SLC28A2: variants seen among roughly 807,000 people sequenced by gnomAD.
SLC28A2 encodes sodium/nucleoside cotransporter 2.
Under a neutral mutation model 72.9 loss-of-function variants are expected in SLC28A2, and 69 were observed. The ratio of observed to expected loss-of-function variants is 0.95; its 90% confidence interval spans 0.78 to 1.16. The LOEUF is 1.16. Among genes scored for constraint, SLC28A2 ranks in the 50% most tolerant of loss-of-function variants. The pLI is 0.00. For synonymous variants in SLC28A2, 296 were observed against 294.1 expected, an observed-to-expected ratio of 1.01 and a Z score of -0.07; for missense variants, 745 against 791.1, an observed-to-expected ratio of 0.94 and a Z score of 0.70.
chr15:45,275,508 G>A lies in SLC28A2; in HGVS notation c.1972G>A (p.Ala658Thr), dbSNP rs1424767038. The A allele has an allele frequency of 6.4e-7, 1 of 1,571,268 alleles. No individual in the cohort carries two copies. Among genetic ancestry groups the A allele is most frequent in the South Asian group, 1.1e-5 (1 of 89,906 alleles). ...CCGFYNNTVC[A>T] Reference sequence around the variant, plus strand: ...TGGATTCTACAACAATACCGTCTGTGCCTAAGGCTGCTTGATCTATTTCTA... The same window carrying A: ...TGGATTCTACAACAATACCGTCTGTACCTAAGGCTGCTTGATCTATTTCTA... Residue 658 changes from alanine to threonine, a missense_variant, in exon 18 of 18, where the codon GCC becomes ACC. Coordinates refer to ENST00000347644, the MANE Select transcript of SLC28A2 (RefSeq NM_004212.4).
rs1033672006 is a variant in SLC28A2 at position 45,252,261 on chromosome 15, T to C, written c.-34T>C. The C allele has an allele frequency of 2.2e-6, 1 of 455,700 alleles. No individual in the cohort carries two copies. The highest frequency in any genetic ancestry group is 2.0e-5 in the African/African-American group (1 of 50,040). 28.2% of individuals were successfully genotyped at this position (455,700 alleles called of 1,614,324 possible). A position where few individuals can be genotyped will look rare whatever the true frequency, so the allele number is the denominator to read the frequency against. ...TCCTTCACTGAGGAGCCAGAGGGAA[T>C]CAATTCCACAAGCTGGGGTAAGTAA... On this transcript the variant is annotated 5_prime_UTR_variant, in exon 1 of 18. Transcript: ENST00000347644.
intron 13 of SLC28A2, among the ~76,000 whole-genome samples, chr15:45,268,782 G>C (rs1567061280): frequency 6.6e-6 from 1 of 152,024 alleles, no homozygotes; most frequent in African/African-American, 2.4e-5. Flanking sequence ...GTCCAACAAT[G>C]ATAGACTGGA....
intron 3 of SLC28A2, among the ~76,000 whole-genome samples, chr15:45,261,752 G>A (rs1900170110): frequency 6.6e-6 from 1 of 152,202 alleles, no homozygotes; most frequent in Admixed American, 6.5e-5. Flanking sequence ...GACATGAGCA[G>A]TACCCACTTC....
intron 3 of SLC28A2, among the ~76,000 whole-genome samples, chr15:45,255,538 T>C (rs1398280784): frequency 3.3e-5 from 5 of 152,154 alleles, no homozygotes; most frequent in African/African-American, 1.2e-4. Context: ...GAGATGAACT[T>C]GGCCCACAGA....
At chr15:45,273,497 ATAT>A (rs1479454229) in intron 17 of SLC28A2, among the ~76,000 whole-genome samples, 7 of 152,214 alleles carry the variant, frequency 4.6e-5, no homozygotes. Flanking sequence ...TGGTGGTGAT[ATAT>A]GCGTGAGTGA....
intron 6 of SLC28A2, 66 bp downstream of exon 6, chr15:45,264,088 G>A (rs1050099450): frequency 3.7e-5 from 53 of 1,435,948 alleles, no homozygotes; most frequent in Non-Finnish European, 4.7e-5. Flanking sequence ...TAATCATAAA[G>A]CGTATGCATC....
intron 2 of SLC28A2, 41 bp from the exon 3 acceptor site, chr15:45,253,391 C>A (rs757091290): frequency 8.0e-5 from 126 of 1,574,376 alleles, no homozygotes; most frequent in Non-Finnish European, 1.1e-4. Flanking sequence ...TCATCCCTGG[C>A]AGGGCTCCAT....
At chr15:45,261,212 A>C (rs16941127) in intron 3 of SLC28A2, among the ~76,000 whole-genome samples, 13,877 of 152,238 alleles carry the variant, frequency 0.091, 2,029 homozygotes, top group African/African-American at 0.31. Context: ...TTAGGAGTGG[A>C]AAAGACAGGC....
At chr15:45,270,321 C>T (rs1900507544) in intron 15 of SLC28A2, 45 bp downstream of exon 15, 1 of 1,360,694 alleles carries the variant, frequency 7.3e-7, no homozygotes, top group East Asian at 2.3e-5. Context: ...ACAGCCAGAT[C>T]CCAGCTTCTG....
In SLC28A2 at chr15:45,265,078, T is replaced by A. The variant is rs761550961; in HGVS notation, c.703-11T>A. On this transcript the variant is annotated splice_polypyrimidine_tract_variant and intron_variant, in intron 7 of 17. Coordinates refer to ENST00000347644, the MANE Select transcript of SLC28A2 (RefSeq NM_004212.4). Reference sequence around the variant, plus strand: ...TTCTTATTCTCTGTCTTTTTCTTTTTTTCCCTTCAGATTTTCCTGAACTAC... The same window carrying A: ...TTCTTATTCTCTGTCTTTTTCTTTTATTCCCTTCAGATTTTCCTGAACTAC... 9.4e-6 allele frequency: 15 copies of A among 1,602,388 alleles called. 1 individual carries two copies. The South Asian group carries it at 1.7e-4, about 18-fold the overall frequency.
intron 2 of SLC28A2, 25 bp from the exon 3 acceptor site, chr15:45,253,407 A>G: frequency 1.9e-6 from 3 of 1,602,310 alleles, no homozygotes; most frequent in South Asian, 1.1e-5. Flanking sequence ...TCCATGACTG[A>G]TCCCAATGCT....
chr15:45,270,368 T>C, intron 15 of SLC28A2, 92 bp downstream of exon 15: 3 of 889,226 alleles, frequency 3.4e-6, no homozygotes, highest in Non-Finnish European at 5.7e-6. Context: ...CAAGCTGGGA[T>C]CAGATAGAGA....
intron 15 of SLC28A2, among the ~76,000 whole-genome samples, chr15:45,270,785 CATT>C (rs929931937): frequency 6.6e-6 from 1 of 151,430 alleles, no homozygotes; most frequent in African/African-American, 2.4e-5. Context: ...CCACTATGCC[CATT>C]ATTATTATTA....
At position 45,272,301 on chromosome 15, in the gene SLC28A2, T is replaced by C. The variant is rs762114482; in HGVS notation, c.1655T>C (p.Ile552Thr). 66 of 1,613,398 alleles carry C rather than the reference T, an allele frequency of 4.1e-5. No individual in the cohort carries two copies. The highest frequency in any genetic ancestry group is 4.2e-5 in the Non-Finnish European group (50 of 1,179,912). Residue 552 changes from isoleucine to threonine, a missense_variant, in exon 16 of 18, where the codon ATA becomes ACA. By Grantham distance (89) the Ile-to-Thr change is moderately conservative (BLOSUM62 -1). Coordinates refer to ENST00000347644, the MANE Select transcript of SLC28A2 (RefSeq NM_004212.4). Reference sequence around the variant, plus strand: ...TTTATTTTATTGTCTGCAGCATCAATAGTACCTCACCGGAAGAGTGACTTG... The same window carrying C: ...TTTATTTTATTGTCTGCAGCATCAACAGTACCTCACCGGAAGAGTGACTTG... ...IGITLGGLTS[I>T]VPHRKSDLSK...
intron 4 of SLC28A2, 39 bp downstream of exon 4, chr15:45,262,145 T>C (rs749165617): frequency 6.9e-7 from 1 of 1,454,138 alleles, no homozygotes; most frequent in East Asian, 2.3e-5. Flanking sequence ...GAAACACAGT[T>C]ATTTTAGAAA....
chr15:45,266,703 G>A (rs1366160583), intron 10 of SLC28A2, among the ~76,000 whole-genome samples: 1 of 152,196 alleles, frequency 6.6e-6, no homozygotes, highest in East Asian at 1.9e-4. Flanking sequence ...TAGTACTGAG[G>A]TCTTTCTCTC....
intron 10 of SLC28A2, 114 bp from the exon 11 acceptor site, chr15:45,267,341 G>A: frequency 3.5e-6 from 4 of 1,147,290 alleles, no homozygotes; most frequent in Admixed American, 1.9e-5. Flanking sequence ...ACTTAACAGT[G>A]CTCACACTGG....
At chr15:45,259,106 C>T (rs2140563207) in intron 3 of SLC28A2, among the ~76,000 whole-genome samples, 1 of 152,094 alleles carries the variant, frequency 6.6e-6, no homozygotes, top group Non-Finnish European at 1.5e-5. Context: ...TGTGAAGTGC[C>T]TGTTCAGGTC....
Position 45,269,445 on chromosome 15 carries a change from G to A in SLC28A2, c.1476G>A (p.Glu492=). 6.2e-7 allele frequency: 1 copy of A among 1,614,086 alleles called. No homozygotes were observed. Among genetic ancestry groups the A allele is most frequent in the Non-Finnish European group, 8.5e-7 (1 of 1,179,966 alleles). The change falls in exon 14 of 18, where the codon GAG becomes GAA. Residue 492 remains glutamate, a synonymous_variant. Transcript: ENST00000347644. The part of the protein sequence containing the change: ...EMVGIKFFIN[E]FVAYQQLSQY... ...TGGGAATCAAGTTCTTCATAAATGAGTTTGTGGCTTATCAGCAACTGTCTC... is the reference window on the plus strand; with the variant it reads ...TGGGAATCAAGTTCTTCATAAATGAATTTGTGGCTTATCAGCAACTGTCTC...
Sources: allele counts gnomAD v4.1 joint callset (sites outside exome capture counted in the v4.1 genomes callset), GRCh38; gene constraint gnomAD v4.1.1; transcripts MANE v1.5; gene names NCBI Gene and HGNC (gene_info 2026-07-23, HGNC 2026-07-21).